The following DNM1L variants were observed in gnomAD, a reference collection of about 807,000 sequenced individuals.
DNM1L encodes dynamin 1L.
DNM1L carries 33 observed loss-of-function variants against 92.8 expected under a neutral mutation model. The ratio of observed to expected loss-of-function variants is 0.36; its 90% CI spans 0.27 to 0.48. The LOEUF is 0.48. Ranked by LOEUF, DNM1L falls within the 20% of genes least tolerant of loss-of-function variation. The pLI is 0.99. For missense variants in DNM1L, 485 were observed against 888.8 expected, an observed-to-expected ratio of 0.55 and a Z score of 5.78; for synonymous variants, 284 against 305.0, an observed-to-expected ratio of 0.93 and a Z score of 0.72.
intron 2 of DNM1L, among the ~76,000 whole-genome samples, chr12:32,702,346 T>C (rs1481436678): frequency 6.6e-6 from 1 of 152,112 alleles, no homozygotes; most frequent in Non-Finnish European, 1.5e-5. Context: ...AGATTTTAAG[T>C]TGCTTACCAA....
chr12:32,686,105 C>T (rs1486413502), intron 1 of DNM1L, among the ~76,000 whole-genome samples: 2 of 127,512 alleles, frequency 1.6e-5, no homozygotes, highest in Admixed American at 2.0e-4. Context: ...GGCTGGAGTG[C>T]AATGGCGCGA....
intron 9 of DNM1L, chr12:32,727,186 A>AGG: frequency 1.1e-6 from 1 of 939,810 alleles, no homozygotes; most frequent in African/African-American, 1.6e-5. Context: ...GTAGGTTCAT[A>AGG]AATTGTATTA....
At chr12:32,692,220 T>G (rs1952261767) in intron 1 of DNM1L, among the ~76,000 whole-genome samples, 2 of 152,204 alleles carry the variant, frequency 1.3e-5, no homozygotes, top group African/African-American at 4.8e-5. Context: ...CAAAATTAAT[T>G]AAAATCTAAG....
intron 9 of DNM1L, chr12:32,726,563 TA>T: frequency 1.6e-6 from 2 of 1,214,568 alleles, no homozygotes; most frequent in Non-Finnish European, 2.4e-6. Flanking sequence ...TATGCTCACG[TA>T]AAAAGTGACC....
intron 17 of DNM1L, 65 bp from the exon 18 acceptor site, chr12:32,740,344 C>T: frequency 6.2e-7 from 1 of 1,608,926 alleles, no homozygotes; most frequent in Non-Finnish European, 8.5e-7. Context: ...ACATAACTTT[C>T]AGATGTTAAA....
At chr12:32,713,147 T>C (rs1953206875) in intron 5 of DNM1L, 62 bp from the exon 6 acceptor site, 1 of 1,554,934 alleles carries the variant, frequency 6.4e-7, no homozygotes, top group Non-Finnish European at 8.8e-7. Context: ...CGATTAAATG[T>C]GGGTAAAAAA....
At chr12:32,707,246 T>C in intron 2 of DNM1L, 121 bp from the exon 3 acceptor site, 1 of 724,226 alleles carries the variant, frequency 1.4e-6, no homozygotes, top group Non-Finnish European at 2.4e-6. Context: ...CTTGTTAACT[T>C]GTACTTAATG....
chr12:32,680,488 C>CT (rs1268684170), intron 1 of DNM1L, among the ~76,000 whole-genome samples: 3 of 152,130 alleles, frequency 2.0e-5, no homozygotes, highest in African/African-American at 7.2e-5. Flanking sequence ...TATCCAAACA[C>CT]TGGAAACTAT....
At chr12:32,697,888 A>T (rs1404157957) in intron 1 of DNM1L, among the ~76,000 whole-genome samples, 1 of 152,190 alleles carries the variant, frequency 6.6e-6, no homozygotes, top group African/African-American at 2.4e-5. Context: ...AAAGTCTCAT[A>T]AAAAAAGAAC....
chr12:32,714,224 T>A (rs1953258559), intron 6 of DNM1L, among the ~76,000 whole-genome samples: 1 of 151,922 alleles, frequency 6.6e-6, no homozygotes, highest in African/African-American at 2.4e-5. Context: ...GTGCTAAGAC[T>A]GCCAATCTGC....
At chr12:32,717,126 A>C (rs1227143512) in intron 6 of DNM1L, among the ~76,000 whole-genome samples, 1 of 128,668 alleles carries the variant, frequency 7.8e-6, no homozygotes, top group Non-Finnish European at 1.6e-5. Flanking sequence ...TATTTTATAT[A>C]TATACCTATG....
At chr12:32,682,312 A>G (rs888539204) in intron 1 of DNM1L, among the ~76,000 whole-genome samples, 1 of 152,114 alleles carries the variant, frequency 6.6e-6, no homozygotes, top group Non-Finnish European at 1.5e-5. Flanking sequence ...TTGTATTTTT[A>G]GTAGAGACAG....
At chr12:32,694,635 A>G (rs771532730) in intron 1 of DNM1L, among the ~76,000 whole-genome samples, 8 of 152,196 alleles carry the variant, frequency 5.3e-5, no homozygotes, top group Non-Finnish European at 1.0e-4. Context: ...TAGTTTCCTA[A>G]ATATCTATAT....
rs1040775656 is a variant in DNM1L at position 32,731,210 on chromosome 12, T to A, written c.1200+76T>A. On this transcript the variant is annotated intron_variant, in intron 10 of 19. Transcript: ENST00000549701. The surrounding 1 kb of genome is among the most constrained non-coding windows in gnomAD (Gnocchi z 5.1). ...TTCTTACCCATATACTGTGTCTTTTTAAATTTAATTATACAGTTTATTTTG... is the reference window on the plus strand; with the variant it reads ...TTCTTACCCATATACTGTGTCTTTTAAAATTTAATTATACAGTTTATTTTG... The A allele has an allele frequency of 1.3e-6, 2 of 1,599,626 alleles. No homozygotes were observed. The highest frequency in any genetic ancestry group is 1.1e-5 in the South Asian group (1 of 89,230).
chr12:32,717,447 TACTATATATATTTTAAATATATA>T (rs1953505668), intron 6 of DNM1L, among the ~76,000 whole-genome samples: 1 of 98,254 alleles, frequency 1.0e-5, no homozygotes, highest in African/African-American at 4.6e-5. Flanking sequence ...TTTAAATATA[TACTATATATATTTTAAATATATA>T]GTATATATAT....
At chr12:32,694,926 A>G (rs906804500) in intron 1 of DNM1L, among the ~76,000 whole-genome samples, 1 of 152,178 alleles carries the variant, frequency 6.6e-6, no homozygotes, top group African/African-American at 2.4e-5. Context: ...TATTGCACAC[A>G]TCGATAATGG....
At chr12:32,742,526 T>G in intron 18 of DNM1L, 63 bp from the exon 19 acceptor site, 1 of 1,605,142 alleles carries the variant, frequency 6.2e-7, no homozygotes, top group Non-Finnish European at 8.5e-7. Context: ...GGTTAGCATC[T>G]AAGCCCAAAT....
chr12:32,711,045 A>C (rs929783375), intron 5 of DNM1L, 30 bp downstream of exon 5: 9 of 1,601,644 alleles, frequency 5.6e-6, no homozygotes, highest in Non-Finnish European at 7.7e-6. Flanking sequence ...AGATTTGGTC[A>C]GGTTGTTTTC....
At position 32,722,309 on chromosome 12, in the gene DNM1L, A is replaced by AT. The variant is rs1476938264; in HGVS notation, c.873-117dup. The AT allele has an allele frequency of 3.6e-6, 3 of 832,676 alleles. No homozygotes were observed. The Admixed American group carries it at 6.4e-5, about 18-fold the overall frequency. The allele number at this position is 832,676 out of a possible 1,614,324, so 51.6% of individuals were successfully genotyped here. On this transcript the variant is annotated intron_variant, in intron 8 of 19. Transcript: ENST00000549701. ...AAAGACCAAATATATATTTCACAGT[A>AT]TCACATTTGCCAGGACAAATTATTT...
Sources: allele counts gnomAD v4.1 joint callset (sites outside exome capture counted in the v4.1 genomes callset), GRCh38; gene constraint gnomAD v4.1.1; non-coding constraint Gnocchi (gnomAD v3.1); transcripts MANE v1.5; gene names NCBI Gene and HGNC (gene_info 2026-07-23, HGNC 2026-07-21).